Variants in TEC observed in about 807,000 individuals in gnomAD.
The protein encoded by TEC is tyrosine-protein kinase Tec.
A neutral mutation model predicts 93.0 loss-of-function variants in TEC; 72 were observed. The ratio of observed to expected loss-of-function variants is 0.77; its 90% CI spans 0.64 to 0.94. The LOEUF (loss-of-function observed/expected upper bound fraction) is 0.94, where lower values mean the gene tolerates loss of function less well. TEC is among the 40% of genes least tolerant of loss of function. The probability of loss-of-function intolerance (pLI) is 0.00; values close to 1 mark genes in which losing one functional copy is unlikely to be tolerated. For synonymous variants in TEC, 249 were observed against 247.7 expected (o/e 1.01, Z -0.05); for missense variants, 630 against 757.9 (o/e 0.83, Z 1.98).
At chr4:48,163,621 T>C in intron 8 of TEC, 81 bp downstream of exon 8, 1 of 897,404 alleles carries the variant, frequency 1.1e-6, no homozygotes, top group Non-Finnish European at 1.7e-6. Context: ...AAGATATCCA[T>C]TAATCTTCAA....
chr4:48,212,110 A>AATAT (rs1553892127), intron 2 of TEC, among the ~76,000 whole-genome samples: 39 of 122,230 alleles, frequency 3.2e-4, no homozygotes, highest in Non-Finnish European at 5.2e-4. Context: ...AAAAAAAAAA[A>AATAT]ATATATATAT....
intron 2 of TEC, among the ~76,000 whole-genome samples, chr4:48,199,702 C>T (rs911299806): frequency 2.0e-5 from 3 of 151,950 alleles, no homozygotes; most frequent in African/African-American, 7.2e-5. Flanking sequence ...CTCCTGACCT[C>T]GTGATCCACC....
At chr4:48,219,901 C>CA (rs1050203031) in intron 2 of TEC, among the ~76,000 whole-genome samples, 1 of 152,064 alleles carries the variant, frequency 6.6e-6, no homozygotes, top group Non-Finnish European at 1.5e-5. Flanking sequence ...TGTCTCCACA[C>CA]ACGGGGAGAA....
chr4:48,218,653 G>A lies in TEC; in HGVS notation c.138+9824C>T, dbSNP rs563522663. 5.3e-5 allele frequency among the ~76,000 whole-genome samples: 8 copies of A among 152,186 alleles called. No homozygotes were observed. In the South Asian group the frequency reaches 1.0e-3, roughly 20 times the overall value. ...CCACTTGGGGAACCACCTAATATAC[G>A]AATATAACTAAGGGAGAAACATCAG... On this transcript the variant is annotated intron_variant, in intron 2 of 17. Coordinates refer to ENST00000381501, the MANE Select transcript of TEC (RefSeq NM_003215.3).
intron 1 of TEC, among the ~76,000 whole-genome samples, chr4:48,243,782 A>G (rs1457370965): frequency 6.6e-6 from 1 of 152,102 alleles, no homozygotes; most frequent in African/African-American, 2.4e-5. Flanking sequence ...ACAGTTGGAC[A>G]CAGGGCGGGG....
At chr4:48,213,211 T>C (rs1439837846) in intron 2 of TEC, among the ~76,000 whole-genome samples, 1 of 152,206 alleles carries the variant, frequency 6.6e-6, no homozygotes, top group Non-Finnish European at 1.5e-5. Flanking sequence ...TTTCCAATAA[T>C]CTATTAAAAA....
chr4:48,141,154 A>G (rs978581919), intron 15 of TEC, among the ~76,000 whole-genome samples: 3 of 152,196 alleles, frequency 2.0e-5, no homozygotes, highest in Non-Finnish European at 4.4e-5. Flanking sequence ...TCTAATCCAC[A>G]CCAGGAAATA....
rs2109497259 is a variant in TEC, at chr4:48,137,321, T to C, written c.*95A>G. 1 of 950,312 alleles carries C rather than the reference T, an allele frequency of 1.1e-6. No homozygotes were observed. Among genetic ancestry groups the C allele is most frequent in the Non-Finnish European group, 1.6e-6 (1 of 609,104 alleles). The allele number at this position is 950,312 out of a possible 1,614,324, so 58.9% of individuals were successfully genotyped here. A position where few individuals can be genotyped will look rare whatever the true frequency, so the allele number is the denominator to read the frequency against. On this transcript the variant is annotated 3_prime_UTR_variant, in exon 18 of 18. Transcript: ENST00000381501. Reference sequence around the variant, plus strand: ...ATGTGTTTCCACTGTATAAGTAAAATGATCTACATGTCCAAGTGCTCAATA... The same window carrying C: ...ATGTGTTTCCACTGTATAAGTAAAACGATCTACATGTCCAAGTGCTCAATA...
chr4:48,211,776 A>G (rs1384122749), intron 2 of TEC, among the ~76,000 whole-genome samples: 1 of 152,092 alleles, frequency 6.6e-6, no homozygotes, highest in Non-Finnish European at 1.5e-5. Context: ...TTACCACCTA[A>G]GCATAACCCT....
chr4:48,180,783 G>A (rs1221138793), intron 2 of TEC, among the ~76,000 whole-genome samples: 1 of 152,124 alleles, frequency 6.6e-6, no homozygotes, highest in Non-Finnish European at 1.5e-5. Context: ...GATTTATTCT[G>A]AGCAGTTTTA....
rs530446316 is a variant in TEC, at chr4:48,180,711, C to A, written c.139-4525G>T. On this transcript the variant is annotated intron_variant, in intron 2 of 17. Transcript: ENST00000381501. The stretch of plus-strand genomic sequence containing the variant: ...GCTTTAGGAGGCTTGTAGGGAATGA[C>A]ACCAAAGAGGCTGTCTGAGGCCACA... 1.4e-4 allele frequency among the ~76,000 whole-genome samples: 21 copies of A among 152,256 alleles called. No homozygotes were observed. The South Asian group carries it at 4.2e-3, about 30-fold the overall frequency.
At chr4:48,186,799 T>C (rs1721885348) in intron 2 of TEC, among the ~76,000 whole-genome samples, 2 of 143,990 alleles carry the variant, frequency 1.4e-5, no homozygotes, top group African/African-American at 5.3e-5. Context: ...AGCCGCCCCA[T>C]CTGGGAGGGA....
chr4:48,179,360 A>T (rs1471547385), intron 2 of TEC, among the ~76,000 whole-genome samples: 6 of 40,482 alleles, frequency 1.5e-4, no homozygotes, highest in Non-Finnish European at 2.6e-4. Flanking sequence ...ATATATATAT[A>T]TATATATATA....
chr4:48,211,942 A>G (rs1722913987), intron 2 of TEC, among the ~76,000 whole-genome samples: 1 of 151,740 alleles, frequency 6.6e-6, no homozygotes, highest in South Asian at 2.1e-4. Context: ...TACTAAAAAT[A>G]CAAAAACTTA....
intron 2 of TEC, among the ~76,000 whole-genome samples, chr4:48,186,750 C>A (rs553842732): frequency 6.6e-6 from 1 of 151,600 alleles, no homozygotes; most frequent in Admixed American, 6.6e-5. Context: ...TCAGCCGCCC[C>A]GTCCGGGAGG....
At chr4:48,245,615 C>T (rs573592001) in intron 1 of TEC, among the ~76,000 whole-genome samples, 73 of 152,232 alleles carry the variant, frequency 4.8e-4, no homozygotes, top group African/African-American at 1.4e-3. Flanking sequence ...TACTATTAAT[C>T]GCTAAAACAT....
At chr4:48,179,374 ATATTTTTT>A (rs1206250781) in intron 2 of TEC, among the ~76,000 whole-genome samples, 2 of 21,582 alleles carry the variant, frequency 9.3e-5, no homozygotes, top group African/African-American at 3.4e-4. Context: ...ATATATATAT[ATATTTTTT>A]TTTTTTTTTT....
intron 5 of TEC, among the ~76,000 whole-genome samples, chr4:48,169,777 T>C (rs1037333306): frequency 7.2e-5 from 11 of 152,210 alleles, no homozygotes; most frequent in Non-Finnish European, 1.5e-4. Context: ...TTAGACATTG[T>C]TCATCTCAAC....
At chr4:48,205,900 T>C (rs916840345) in intron 2 of TEC, among the ~76,000 whole-genome samples, 3 of 152,202 alleles carry the variant, frequency 2.0e-5, no homozygotes, top group Non-Finnish European at 4.4e-5. Flanking sequence ...TTCATATCGG[T>C]TCTATTTCCA....
Sources: allele counts gnomAD v4.1 joint callset (sites outside exome capture counted in the v4.1 genomes callset), GRCh38; gene constraint gnomAD v4.1.1; transcripts MANE v1.5; gene names NCBI Gene and HGNC (gene_info 2026-07-23, HGNC 2026-07-21).